The following KCNQ1 variants were observed in gnomAD, a reference collection of about 807,000 sequenced individuals.
KCNQ1 encodes the protein potassium voltage-gated channel subfamily KQT member 1.
A neutral mutation model predicts 72.4 loss-of-function variants in KCNQ1; 49 were observed. The observed-to-expected ratio is 0.68, with a 90% CI of 0.54 to 0.86. The LOEUF (loss-of-function observed/expected upper bound fraction) is 0.86, where lower values mean the gene tolerates loss of function less well. KCNQ1 is among the 40% of genes least tolerant of loss of function. The probability of loss-of-function intolerance (pLI) is 0.00; values close to 1 mark genes in which losing one functional copy is unlikely to be tolerated. For synonymous variants in KCNQ1, 450 were observed against 412.6 expected (o/e 1.09, Z -1.10); for missense variants, 790 against 945.1 (o/e 0.84, Z 2.15).
In KCNQ1 at chr11:2,789,657, G is replaced by A. The variant is rs536309577; in HGVS notation, c.1794+11620G>A. Among the ~76,000 whole-genome samples the A allele has an allele frequency of 3.9e-5, 6 of 152,334 alleles. No homozygotes were observed. In the East Asian group the frequency reaches 9.7e-4, roughly 25 times the overall value. On this transcript the variant is annotated intron_variant, in intron 15 of 15. Transcript: ENST00000155840. ...AGCTGCGCTCCGGGATGCTGGGGCCGTCGGCCTCCCCCTTCCCAGGCCCAG... is the reference window on the plus strand; with the variant it reads ...AGCTGCGCTCCGGGATGCTGGGGCCATCGGCCTCCCCCTTCCCAGGCCCAG...
intron 15 of KCNQ1, among the ~76,000 whole-genome samples, chr11:2,788,399 TGCAGGC>T (rs1178414383): frequency 1.3e-5 from 2 of 152,148 alleles, no homozygotes; most frequent in Non-Finnish European, 2.9e-5. Flanking sequence ...TGTGTGTCGG[TGCAGGC>T]AGGACACACT....
chr11:2,704,363 C>G lies in KCNQ1; in HGVS notation c.1514+42282C>G, dbSNP rs759642757. 6.6e-6 allele frequency among the ~76,000 whole-genome samples: 1 copy of G among 152,236 alleles called. No individual in the cohort carries two copies. Among genetic ancestry groups the G allele is most frequent in the Non-Finnish European group, 1.5e-5 (1 of 68,040 alleles). On this transcript the variant is annotated intron_variant, in intron 11 of 15. Transcript: ENST00000155840. The surrounding 1 kb of genome is among the most constrained non-coding windows in gnomAD (Gnocchi z 4.3). ...CTCTGTTCCCACTGAGCCCATGAGA[C>G]GGCTATTCCTTTGAGACATGTTTAC...
intron 11 of KCNQ1, chr11:2,681,058 A>G: frequency 2.5e-6 from 1 of 398,618 alleles, no homozygotes. Flanking sequence ...GTGGGCTCCA[A>G]AAAGAGACTT....
intron 2 of KCNQ1, among the ~76,000 whole-genome samples, chr11:2,530,989 TTAAA>T (rs1215882683): frequency 2.6e-5 from 4 of 152,094 alleles, no homozygotes; most frequent in African/African-American, 9.7e-5. Context: ...TTGCCTGGTT[TTAAA>T]TGGAGCCCCG....
At chr11:2,555,370 A>G (rs1002003443) in intron 2 of KCNQ1, among the ~76,000 whole-genome samples, 4 of 152,238 alleles carry the variant, frequency 2.6e-5, no homozygotes, top group African/African-American at 7.2e-5. Context: ...GTTAACAGCC[A>G]TCAGCAGTGG....
chr11:2,644,774 C>T (rs1425351925), intron 10 of KCNQ1: 2 of 398,494 alleles, frequency 5.0e-6, no homozygotes, highest in Non-Finnish European at 8.8e-6. Flanking sequence ...TTCTGGGTGC[C>T]TGCAGTAGTG....
rs1018136254 is a variant in KCNQ1 at position 2,463,835 on chromosome 11, G to T, written c.386+18351G>T. Reference sequence around the variant, plus strand: ...GCCCGGCCCCCGCTACCACGTGGAGGCTCCCTGTAGGTGCTTGTGTAGATG... The same window carrying T: ...GCCCGGCCCCCGCTACCACGTGGAGTCTCCCTGTAGGTGCTTGTGTAGATG... On this transcript the variant is annotated intron_variant, in intron 1 of 15. Transcript: ENST00000155840. The surrounding 1 kb of genome is among the most constrained non-coding windows in gnomAD (Gnocchi z 7.0). Among the ~76,000 whole-genome samples, 1 of 152,216 alleles carries T rather than the reference G, an allele frequency of 6.6e-6. No homozygotes were observed. The highest frequency in any genetic ancestry group is 1.5e-5 in the Non-Finnish European group (1 of 68,032).
rs1849163783 is a variant in KCNQ1 at position 2,621,072 on chromosome 11, G to GC, written c.1393+32218_1393+32219insC. On this transcript the variant is annotated intron_variant, in intron 10 of 15. Transcript: ENST00000155840. The surrounding 1 kb of genome is among the most constrained non-coding windows in gnomAD (Gnocchi z 5.7). ...GGCTCACTGCAACCTCCACCTCCTG[G>GC]GTTCAAGCAATTCTCCTGTCTCAGA... 1 of 396,988 alleles carries GC rather than the reference G, an allele frequency of 2.5e-6. No homozygotes were observed. The highest frequency in any genetic ancestry group is 4.4e-6 in the Non-Finnish European group (1 of 225,792). 24.6% of individuals were successfully genotyped at this position (396,988 alleles called of 1,614,324 possible).
intron 15 of KCNQ1, among the ~76,000 whole-genome samples, chr11:2,797,893 C>T (rs140803171): frequency 1.7e-3 from 266 of 152,328 alleles, no homozygotes; most frequent in Non-Finnish European, 3.1e-3. Context: ...ACCTGCCCTG[C>T]GTACTGTGCC....
intron 3 of KCNQ1, 29 bp downstream of exon 3, chr11:2,570,783 C>T (rs1023418921): frequency 1.5e-5 from 24 of 1,607,044 alleles, no homozygotes; most frequent in East Asian, 1.1e-4. Context: ...GTGGAGGTCA[C>T]GCCCAGGTTT....
chr11:2,552,957 T>G (rs1052813002), intron 2 of KCNQ1, among the ~76,000 whole-genome samples: 3 of 152,236 alleles, frequency 2.0e-5, no homozygotes, highest in Non-Finnish European at 4.4e-5. Context: ...GGTGTGAAAC[T>G]TGCTAGATTT....
rs1010046930 is a variant in KCNQ1 at position 2,752,797 on chromosome 11, C to T, written c.1515-16047C>T. ...GACACACACATTCAGACTACAGCAC[C>T]TTGCTCCTGGGGAAACAGAGGAAAC... On this transcript the variant is annotated intron_variant, in intron 11 of 15. Coordinates refer to ENST00000155840, the MANE Select transcript of KCNQ1 (RefSeq NM_000218.3). This position sits in a 1 kb window ranked among gnomAD's most constrained non-coding sequence, Gnocchi z 5.2. Among the ~76,000 whole-genome samples, 1 of 152,188 alleles carries T rather than the reference C, an allele frequency of 6.6e-6. No individual in the cohort carries two copies. Among genetic ancestry groups the T allele is most frequent in the African/African-American group, 2.4e-5 (1 of 41,440 alleles).
At chr11:2,732,638 C>T (rs544459707) in intron 11 of KCNQ1, among the ~76,000 whole-genome samples, 153 of 152,364 alleles carry the variant, frequency 1.0e-3, no homozygotes, top group African/African-American at 3.3e-3. Context: ...ACCTTTCCGG[C>T]CACGGGGCAG....
In KCNQ1 at chr11:2,761,597, A is replaced by G. The variant is rs549648871; in HGVS notation, c.1515-7247A>G. ...CACTTCCCTGCCCCTCTTCCGTATC[A>G]CTACCAGGAAAGGCCACTTGGCCCC... On this transcript the variant is annotated intron_variant, in intron 11 of 15. Transcript: ENST00000155840. Among the ~76,000 whole-genome samples, 5 of 152,222 alleles carry G rather than the reference A, an allele frequency of 3.3e-5. No individual in the cohort carries two copies. In the South Asian group the frequency reaches 1.0e-3, roughly 32 times the overall value.
chr11:2,749,641 CAAAAAAAA>C (rs35701102), intron 11 of KCNQ1, among the ~76,000 whole-genome samples: 1,156 of 87,098 alleles, frequency 0.013, 23 homozygotes, highest in African/African-American at 0.042. Flanking sequence ...ACTAAAAATA[CAAAAAAAA>C]AAAAAAAAAA....
Position 2,784,572 on chromosome 11 carries a change from G to T in KCNQ1, c.1794+6535G>T, listed in dbSNP as rs2134000250. Among the ~76,000 whole-genome samples the T allele has an allele frequency of 6.6e-6, 1 of 152,052 alleles. No individual in the cohort carries two copies. Among genetic ancestry groups the T allele is most frequent in the East Asian group, 1.9e-4 (1 of 5,192 alleles). ...CCTGTCAATTAAAAAAGAAGGGCCTGCTGGGATTTTGATAGGCATTGTGTT... is the reference window on the plus strand; with the variant it reads ...CCTGTCAATTAAAAAAGAAGGGCCTTCTGGGATTTTGATAGGCATTGTGTT... On this transcript the variant is annotated intron_variant, in intron 15 of 15. Coordinates refer to ENST00000155840, the MANE Select transcript of KCNQ1 (RefSeq NM_000218.3). This position sits in a 1 kb window ranked among gnomAD's most constrained non-coding sequence, Gnocchi z 4.7.
At chr11:2,574,442 G>T (rs1276126423) in intron 6 of KCNQ1, among the ~76,000 whole-genome samples, 1 of 150,950 alleles carries the variant, frequency 6.6e-6, no homozygotes, top group Non-Finnish European at 1.5e-5. Flanking sequence ...GGGAGCCAAG[G>T]CCTGGGGGCC....
intron 15 of KCNQ1, among the ~76,000 whole-genome samples, chr11:2,799,375 A>AGT (rs3079043): frequency 0.19 from 28,285 of 147,254 alleles, 2,776 homozygotes; most frequent in East Asian, 0.31. Context: ...TGTAAGTTCG[A>AGT]GTGTGTGTGT....
chr11:2,623,672 T>A lies in KCNQ1; in HGVS notation c.1393+34818T>A. ...TACAGTTTATCTGTCTACTCACCTA[T>A]GGAAGGACATCTCGGTTGCTTCCAA... On this transcript the variant is annotated intron_variant, in intron 10 of 15. Coordinates refer to ENST00000155840, the MANE Select transcript of KCNQ1 (RefSeq NM_000218.3). The surrounding 1 kb of genome is among the most constrained non-coding windows in gnomAD (Gnocchi z 5.2). 2 of 398,596 alleles carry A rather than the reference T, an allele frequency of 5.0e-6. No homozygotes were observed. Among genetic ancestry groups the A allele is most frequent in the Non-Finnish European group, 8.8e-6 (2 of 226,032 alleles). The allele number at this position is 398,596 out of a possible 1,614,324, so 24.7% of individuals were successfully genotyped here.
Sources: gnomAD v4.1 joint callset for allele counts (sites outside exome capture counted in the v4.1 genomes callset) on GRCh38, gnomAD v4.1.1 for gene constraint, Gnocchi (gnomAD v3.1) non-coding constraint, MANE v1.5 for transcripts, NCBI Gene and HGNC (gene_info 2026-07-23, HGNC 2026-07-21) for gene names.